NPR2: variants seen among roughly 807,000 people sequenced by gnomAD.
NPR2 encodes the protein natriuretic peptide receptor 2, also known as atrial natriuretic peptide receptor 2.
In NPR2, 49 loss-of-function variants were observed where a neutral mutation model predicts 120.7. The observed-to-expected ratio is 0.41, with a 90% confidence interval of 0.32 to 0.52. The LOEUF (loss-of-function observed/expected upper bound fraction) is 0.52, where lower values mean the gene tolerates loss of function less well. Ranked by LOEUF, NPR2 falls within the 20% of genes least tolerant of loss-of-function variation. The pLI, the probability that NPR2 is intolerant of heterozygous loss-of-function variation, is 0.36. For missense variants in NPR2, 931 were observed against 1,362.9 expected, an observed-to-expected ratio of 0.68 and a Z score of 4.99; for synonymous variants, 484 against 519.8, an observed-to-expected ratio of 0.93 and a Z score of 0.94.
chr9:35,802,170 A>G lies in NPR2; in HGVS notation c.1633-36A>G. On this transcript the variant is annotated intron_variant, in intron 9 of 21. Coordinates refer to ENST00000342694, the MANE Select transcript of NPR2 (RefSeq NM_003995.4). This position sits in a 1 kb window ranked among gnomAD's most constrained non-coding sequence, Gnocchi z 4.2. ...TTTCCTTGTACCCAGAACTTCTGATATTCACTTTCCTTTCCCCTTTCACTC... is the reference window on the plus strand; with the variant it reads ...TTTCCTTGTACCCAGAACTTCTGATGTTCACTTTCCTTTCCCCTTTCACTC... 1 of 1,436,080 alleles carries G rather than the reference A, an allele frequency of 7.0e-7. No individual in the cohort carries two copies. The highest frequency in any genetic ancestry group is 9.8e-7 in the Non-Finnish European group (1 of 1,017,714). The allele number at this position is 1,436,080 out of a possible 1,614,324, so 89.0% of individuals were successfully genotyped here. A position where few individuals can be genotyped will look rare whatever the true frequency, so the allele number is the denominator to read the frequency against.
chr9:35,808,902 C>G lies in NPR2; in HGVS notation c.2986+49C>G, dbSNP rs769742913. 7.8e-6 allele frequency: 9 copies of G among 1,155,006 alleles called. No individual in the cohort carries two copies. In the South Asian group the frequency reaches 1.1e-4, roughly 14 times the overall value. 71.5% of individuals were successfully genotyped at this position (1,155,006 alleles called of 1,614,324 possible). ...ACTGTTGGCCTCAATTTATCTTGCCCTTTTCTTCTTTTCATAATCCCTCCA... is the reference window on the plus strand; with the variant it reads ...ACTGTTGGCCTCAATTTATCTTGCCGTTTTCTTCTTTTCATAATCCCTCCA... On this transcript the variant is annotated intron_variant, in intron 20 of 21. Coordinates refer to ENST00000342694, the MANE Select transcript of NPR2 (RefSeq NM_003995.4). The surrounding 1 kb of genome is among the most constrained non-coding windows in gnomAD (Gnocchi z 4.0).
At position 35,808,884 on chromosome 9, in the gene NPR2, G is replaced by C; in HGVS notation, c.2986+31G>C. 1 of 1,310,926 alleles carries C rather than the reference G, an allele frequency of 7.6e-7. No individual in the cohort carries two copies. Among genetic ancestry groups the C allele is most frequent in the South Asian group, 1.2e-5 (1 of 85,048 alleles). The allele number at this position is 1,310,926 out of a possible 1,614,324, so 81.2% of individuals were successfully genotyped here. Reference sequence around the variant, plus strand: ...ACATTAGCCCTCAACCCCACTGTTGGCCTCAATTTATCTTGCCCTTTTCTT... The same window carrying C: ...ACATTAGCCCTCAACCCCACTGTTGCCCTCAATTTATCTTGCCCTTTTCTT... On this transcript the variant is annotated intron_variant, in intron 20 of 21. Transcript: ENST00000342694. This position sits in a 1 kb window ranked among gnomAD's most constrained non-coding sequence, Gnocchi z 4.0.
In NPR2 at chr9:35,809,692, G is replaced by T; in HGVS notation, c.*247G>T. 3.4e-6 allele frequency: 4 copies of T among 1,174,660 alleles called. No individual in the cohort carries two copies. The highest frequency in any genetic ancestry group is 3.8e-6 in the Non-Finnish European group (3 of 798,768). The allele number at this position is 1,174,660 out of a possible 1,614,324, so 72.8% of individuals were successfully genotyped here. On this transcript the variant is annotated 3_prime_UTR_variant, in exon 22 of 22. Coordinates refer to ENST00000342694, the MANE Select transcript of NPR2 (RefSeq NM_003995.4). This position sits in a 1 kb window ranked among gnomAD's most constrained non-coding sequence, Gnocchi z 4.1. Reference sequence around the variant, plus strand: ...ATCTGTATCTAAACCAGAATATTTTGGTCAAATATAAAACAATAATAAAAA... The same window carrying T: ...ATCTGTATCTAAACCAGAATATTTTTGTCAAATATAAAACAATAATAAAAA...
At chr9:35,801,010 C>T (rs770397557) in intron 6 of NPR2, 60 bp from the exon 7 acceptor site, 50 of 1,538,570 alleles carry the variant, frequency 3.2e-5, no homozygotes, top group Admixed American at 8.3e-5. Context: ...CTATGCACCC[C>T]GTTCTCCATT....
rs1463329903 is a variant in NPR2 at position 35,808,638 on chromosome 9, C to CACCG, written c.2846_2849dup (p.His951ThrfsTer3). On this transcript the variant is annotated frameshift_variant, in exon 19 of 22. Coordinates refer to ENST00000342694, the MANE Select transcript of NPR2 (RefSeq NM_003995.4). LOFTEE classifies it high-confidence loss of function. The surrounding 1 kb of genome is among the most constrained non-coding windows in gnomAD (Gnocchi z 4.0). Reference sequence around the variant, plus strand: ...TGCAGTTTCTTCCTTTCGCATCCGCCACCGACCCCATGACCAGCTGAGGCT... The same window carrying CACCG: ...TGCAGTTTCTTCCTTTCGCATCCGCCACCGACCGACCCCATGACCAGCTGAGGCT... 1 of 1,614,192 alleles carries CACCG rather than the reference C, an allele frequency of 6.2e-7. No individual in the cohort carries two copies. The highest frequency in any genetic ancestry group is 1.3e-5 in the African/African-American group (1 of 75,048).
intron 2 of NPR2, among the ~76,000 whole-genome samples, chr9:35,797,592 C>G (rs1187516576): frequency 2.0e-5 from 3 of 152,184 alleles, no homozygotes; most frequent in African/African-American, 7.2e-5. Flanking sequence ...GCTCCTGGCA[C>G]CCACCCACCA....
rs1827834286 is a variant in NPR2, at chr9:35,792,989, G to A, written c.581G>A (p.Ser194Asn). 1 of 1,613,510 alleles carries A rather than the reference G, an allele frequency of 6.2e-7. No homozygotes were observed. Among genetic ancestry groups the A allele is most frequent in the African/African-American group, 1.3e-5 (1 of 74,946 alleles). Reference protein sequence around the residue: ...IEGVFEALQGSNLSVQHQVYA... With the variant: ...IEGVFEALQGNNLSVQHQVYA... The stretch of plus-strand genomic sequence containing the variant: ...GGCGTCTTTGAGGCCCTGCAGGGCA[G>A]CAACCTCAGTGTGCAGCACCAGGTG... The change falls in exon 1 of 22, where the codon AGC becomes AAC. Residue 194 changes from serine (S) to asparagine (N), a missense_variant. Ser to Asn is a conservative substitution (Grantham distance 46). Coordinates refer to ENST00000342694, the MANE Select transcript of NPR2 (RefSeq NM_003995.4).
chr9:35,805,843 T>G lies in NPR2; in HGVS notation c.2061T>G (p.Thr687=). 1 of 1,614,188 alleles carries G rather than the reference T, an allele frequency of 6.2e-7. No homozygotes were observed. The highest frequency in any genetic ancestry group is 8.5e-7 in the Non-Finnish European group (1 of 1,180,000). The change falls in exon 14 of 22, where the codon ACT becomes ACG. Residue 687 remains threonine (T), a synonymous_variant. Transcript: ENST00000342694. This position sits in a 1 kb window ranked among gnomAD's most constrained non-coding sequence, Gnocchi z 4.9. Reference sequence around the variant, plus strand: ...TCCTCTTTTCAGAGAAGCTGTGGACTGCCCCAGAACTGCTCAGTGGGAACC... The same window carrying G: ...TCCTCTTTTCAGAGAAGCTGTGGACGGCCCCAGAACTGCTCAGTGGGAACC... ...SHALYAKKLW[T]APELLSGNPL...
Position 35,801,074 on chromosome 9 carries a change from A to T in NPR2, c.1356A>T (p.Pro452=). The T allele has an allele frequency of 6.2e-7, 1 of 1,613,636 alleles. No homozygotes were observed. The highest frequency in any genetic ancestry group is 2.2e-5 in the East Asian group (1 of 44,880). Residue 452 remains proline, a synonymous_variant, in exon 7 of 22, where the codon CCA becomes CCT. Coordinates refer to ENST00000342694, the MANE Select transcript of NPR2 (RefSeq NM_003995.4). ...GGGTCTCTATTTCCCCTTCAGCTCCACTTTCAACCCTGGCAATTGTGGCTC... is the reference window on the plus strand; with the variant it reads ...GGGTCTCTATTTCCCCTTCAGCTCCTCTTTCAACCCTGGCAATTGTGGCTC... ...DLDDPSCDKT[P]LSTLAIVALG...
chr9:35,799,031 A>G (rs1039839118), intron 2 of NPR2, among the ~76,000 whole-genome samples: 1 of 152,242 alleles, frequency 6.6e-6, no homozygotes, highest in African/African-American at 2.4e-5. Context: ...CACAGGTGGA[A>G]TCACTGTCTC....
In NPR2 at chr9:35,800,657, G is replaced by T. The variant is rs1828115679; in HGVS notation, c.1219-52G>T. Reference sequence around the variant, plus strand: ...AGCAGCGAAACAGCTGGGGTCTGGGGAGGAGGCTGGTGGGAGCAGGCCTGT... The same window carrying T: ...AGCAGCGAAACAGCTGGGGTCTGGGTAGGAGGCTGGTGGGAGCAGGCCTGT... On this transcript the variant is annotated intron_variant, in intron 5 of 21. Coordinates refer to ENST00000342694, the MANE Select transcript of NPR2 (RefSeq NM_003995.4). The surrounding 1 kb of genome is among the most constrained non-coding windows in gnomAD (Gnocchi z 4.7). 3.7e-6 allele frequency: 6 copies of T among 1,613,750 alleles called. No homozygotes were observed. The highest frequency in any genetic ancestry group is 5.1e-6 in the Non-Finnish European group (6 of 1,179,934).
Position 35,800,325 on chromosome 9 carries a change from C to A in NPR2, c.1124-64C>A. 6.7e-7 allele frequency: 1 copy of A among 1,491,888 alleles called. No homozygotes were observed. Among genetic ancestry groups the A allele is most frequent in the Non-Finnish European group, 9.4e-7 (1 of 1,068,440 alleles). 92.4% of individuals were successfully genotyped at this position (1,491,888 alleles called of 1,614,324 possible). A position where few individuals can be genotyped will look rare whatever the true frequency, so the allele number is the denominator to read the frequency against. ...GGGTAGACTCTGAGGGAGCCGTAGG[C>A]ATGAGTGAGTGGGAGAGGAGCCCAG... On this transcript the variant is annotated intron_variant, in intron 4 of 21. Coordinates refer to ENST00000342694, the MANE Select transcript of NPR2 (RefSeq NM_003995.4). The surrounding 1 kb of genome is among the most constrained non-coding windows in gnomAD (Gnocchi z 4.7).
Position 35,802,069 on chromosome 9 carries a change from C to A in NPR2, c.1632+69C>A. On this transcript the variant is annotated intron_variant, in intron 9 of 21. Coordinates refer to ENST00000342694, the MANE Select transcript of NPR2 (RefSeq NM_003995.4). This position sits in a 1 kb window ranked among gnomAD's most constrained non-coding sequence, Gnocchi z 4.2. ...GTCTCATCCCCATCTGCCACCTCTG[C>A]CCCTGAACCTCTGTCCCTCATACCC... The A allele has an allele frequency of 1.4e-6, 2 of 1,479,652 alleles. No individual in the cohort carries two copies. Among genetic ancestry groups the A allele is most frequent in the Non-Finnish European group, 1.9e-6 (2 of 1,057,268 alleles). The allele number at this position is 1,479,652 out of a possible 1,614,324, so 91.7% of individuals were successfully genotyped here.
rs1328276983 is a variant in NPR2, at chr9:35,808,459, AT to A, written c.2713-49del. ...AGCTTGTCTCCCTCTACTTTTTCCC[AT>A]CCCCATGGATATAAATAGAGGTGAC... On this transcript the variant is annotated intron_variant, in intron 18 of 21. Transcript: ENST00000342694. This position sits in a 1 kb window ranked among gnomAD's most constrained non-coding sequence, Gnocchi z 4.0. The A allele has an allele frequency of 6.3e-7, 1 of 1,592,984 alleles. No homozygotes were observed. Among genetic ancestry groups the A allele is most frequent in the Admixed American group, 1.7e-5 (1 of 59,822 alleles).
Position 35,792,885 on chromosome 9 carries a change from C to G in NPR2, c.477C>G (p.His159Gln). The G allele has an allele frequency of 1.9e-6, 3 of 1,614,158 alleles. No homozygotes were observed. Among genetic ancestry groups the G allele is most frequent in the Non-Finnish European group, 2.5e-6 (3 of 1,180,038 alleles). The change falls in exon 1 of 22, where the codon CAC becomes CAG. Residue 159 changes from histidine to glutamine, a missense_variant. Physicochemically the swap from His to Gln is conservative, Grantham distance 24. Coordinates refer to ENST00000342694, the MANE Select transcript of NPR2 (RefSeq NM_003995.4). ...AGTTTGTGGTGACACTACACGGGCA[C>G]TTCAATTGGACTGCCCGTGCTGCCT... ...LGEFVVTLHG[H>Q]FNWTARAALL...
chr9:35,806,150 G>A lies in NPR2; in HGVS notation c.2289G>A (p.Leu763=), dbSNP rs1180937905. Residue 763 remains leucine (L), a synonymous_variant, in exon 15 of 22, where the codon TTG becomes TTA. Transcript: ENST00000342694. This position sits in a 1 kb window ranked among gnomAD's most constrained non-coding sequence, Gnocchi z 4.6. ...CCCAACTGAATGAAGAGCTAGTTTT[G>A]CTGATGGAGCGATGTTGGGCTCAGG... The part of the protein sequence containing the change: ...DRTQLNEELV[L]LMERCWAQDP... The A allele has an allele frequency of 1.9e-6, 3 of 1,614,236 alleles. No homozygotes were observed. The highest frequency in any genetic ancestry group is 2.2e-5 in the South Asian group (2 of 91,086).
chr9:35,801,896 C>A, intron 8 of NPR2, 30 bp from the exon 9 acceptor site: 1 of 1,612,236 alleles, frequency 6.2e-7, no homozygotes, highest in Admixed American at 1.7e-5. Flanking sequence ...TCCTTTCATC[C>A]TTCCGCCTCC....
chr9:35,807,430 C>G, intron 18 of NPR2, 32 bp downstream of exon 18: 2 of 1,536,572 alleles, frequency 1.3e-6, no homozygotes, highest in Non-Finnish European at 1.8e-6. Flanking sequence ...CAATAGAAGA[C>G]CCTTTAATAG....
chr9:35,793,592 A>G (rs1166986901), intron 1 of NPR2, among the ~76,000 whole-genome samples: 1 of 152,164 alleles, frequency 6.6e-6, no homozygotes, highest in East Asian at 1.9e-4. Flanking sequence ...GGGAAGAGTC[A>G]GGGAGCAGGC....
Sources: gnomAD v4.1 joint callset for allele counts (sites outside exome capture counted in the v4.1 genomes callset) on GRCh38, gnomAD v4.1.1 for gene constraint, Gnocchi (gnomAD v3.1) non-coding constraint, MANE v1.5 for transcripts, NCBI Gene and HGNC (gene_info 2026-07-23, HGNC 2026-07-21) for gene names.